The following SOX5 variants were observed in gnomAD, a reference collection of about 807,000 sequenced individuals.
SOX5 encodes SRY-box transcription factor 5, also known as transcription factor SOX-5.
Under a neutral mutation model 92.0 loss-of-function variants are expected in SOX5, and 9 were observed. The ratio of observed to expected loss-of-function variants is 0.10; its 90% confidence interval spans 0.06 to 0.17. SOX5 has a LOEUF of 0.17. Ranked by LOEUF, SOX5 falls within the 10% of genes least tolerant of loss-of-function variation. SOX5 has a pLI of 1.00. For missense variants in SOX5, 642 were observed against 944.5 expected (o/e 0.68, Z 4.20); for synonymous variants, 344 against 336.3 (o/e 1.02, Z -0.25).
chr12:23,934,416 G>T (rs1468162802), intron 1 of SOX5, among the ~76,000 whole-genome samples: 1 of 148,842 alleles, frequency 6.7e-6, no homozygotes, highest in Non-Finnish European at 1.5e-5. Flanking sequence ...TATCACATAT[G>T]ATGTGTATAT....
chr12:23,758,371 T>C (rs1256553833), intron 3 of SOX5, among the ~76,000 whole-genome samples: 11 of 150,274 alleles, frequency 7.3e-5, no homozygotes, highest in Non-Finnish European at 1.0e-4. Flanking sequence ...ATGGGCAGAA[T>C]TGAGGTCTTG....
chr12:24,492,898 T>C (rs1387146964), intron 1 of SOX5, among the ~76,000 whole-genome samples: 1 of 152,178 alleles, frequency 6.6e-6, no homozygotes, highest in Non-Finnish European at 1.5e-5. Context: ...TTCAAACATA[T>C]ATAAATGCCA....
At chr12:24,110,900 CAAAAAAAAA>C (rs67100585) in intron 4 of SOX5, among the ~76,000 whole-genome samples, 42 of 27,586 alleles carry the variant, frequency 1.5e-3, no homozygotes, top group Admixed American at 3.3e-3. Context: ...GACTCCACTT[CAAAAAAAAA>C]AAAAAAAAAA....
chr12:24,234,281 G>A lies in SOX5; in HGVS notation c.-76-20864C>T, dbSNP rs563744150. On this transcript the variant is annotated intron_variant, in intron 3 of 4. Transcript: ENST00000446891. ...AAGGATTCTGTGTGCCAGAATTTCT[G>A]AAATTACTGACATTTACCATATAAA... Among the ~76,000 whole-genome samples the A allele has an allele frequency of 4.3e-4, 66 of 152,226 alleles. 1 individual carries two copies. The South Asian group carries it at 8.5e-3, about 20-fold the overall frequency.
At chr12:23,912,983 T>G (rs891736941) in intron 1 of SOX5, among the ~76,000 whole-genome samples, 6 of 152,102 alleles carry the variant, frequency 3.9e-5, no homozygotes, top group Non-Finnish European at 8.8e-5. Flanking sequence ...TGGGTAAATT[T>G]TATAGTACTG....
intron 1 of SOX5, among the ~76,000 whole-genome samples, chr12:24,383,865 T>A (rs571208244): frequency 1.3e-5 from 2 of 152,210 alleles, no homozygotes; most frequent in South Asian, 4.2e-4. Context: ...CACCCAAATC[T>A]CATCTTGGAT....
At chr12:24,006,179 A>C (rs1952140313) in intron 4 of SOX5, among the ~76,000 whole-genome samples, 1 of 152,170 alleles carries the variant, frequency 6.6e-6, no homozygotes, top group South Asian at 2.1e-4. Flanking sequence ...TATGCACATA[A>C]AGAAGGTCCT....
chr12:24,467,037 T>C (rs1032275340), intron 1 of SOX5, among the ~76,000 whole-genome samples: 3 of 152,244 alleles, frequency 2.0e-5, no homozygotes, highest in African/African-American at 7.2e-5. Context: ...GTAATTTAAA[T>C]GCATTCCCTT....
At chr12:23,779,579 T>C (rs2095216601) in intron 3 of SOX5, among the ~76,000 whole-genome samples, 1 of 151,616 alleles carries the variant, frequency 6.6e-6, no homozygotes, top group South Asian at 2.1e-4. Flanking sequence ...ATATTCTGTT[T>C]AAAAACTGTT....
intron 4 of SOX5, among the ~76,000 whole-genome samples, chr12:24,042,094 A>G (rs1416700655): frequency 6.6e-6 from 1 of 152,064 alleles, no homozygotes; most frequent in Non-Finnish European, 1.5e-5. Flanking sequence ...TCAATACCTA[A>G]TTTAATCATT....
At chr12:24,151,619 G>A (rs1951663447) in intron 4 of SOX5, among the ~76,000 whole-genome samples, 1 of 151,984 alleles carries the variant, frequency 6.6e-6, no homozygotes, top group African/African-American at 2.4e-5. Flanking sequence ...TGATAGCAGT[G>A]TCCGCAGGGA....
At chr12:24,082,084 C>G (rs1021311633) in intron 4 of SOX5, among the ~76,000 whole-genome samples, 12 of 151,864 alleles carry the variant, frequency 7.9e-5, no homozygotes, top group African/African-American at 2.4e-4. Flanking sequence ...ATTTGAGAAG[C>G]TGACTTGCTA....
chr12:24,024,950 T>C (rs112747061), intron 4 of SOX5, among the ~76,000 whole-genome samples: 16 of 152,156 alleles, frequency 1.1e-4, no homozygotes, highest in African/African-American at 3.4e-4. Flanking sequence ...ATAACCTATA[T>C]GCATATAAAA....
intron 2 of SOX5, among the ~76,000 whole-genome samples, chr12:24,329,750 T>C (rs999996912): frequency 1.3e-5 from 2 of 152,180 alleles, no homozygotes; most frequent in Non-Finnish European, 2.9e-5. Flanking sequence ...AGGCTGGGCA[T>C]GGTGGCTCAC....
intron 3 of SOX5, among the ~76,000 whole-genome samples, chr12:23,756,649 A>G (rs913237675): frequency 3.3e-5 from 5 of 151,930 alleles, no homozygotes; most frequent in African/African-American, 1.2e-4. Context: ...GTACTAAAAG[A>G]TAAGTGTCCC....
At chr12:23,883,770 G>A (rs975115958) in intron 2 of SOX5, among the ~76,000 whole-genome samples, 1 of 152,188 alleles carries the variant, frequency 6.6e-6, no homozygotes, top group Non-Finnish European at 1.5e-5. Flanking sequence ...AGATATTGGT[G>A]TGGTGGTGTT....
At chr12:24,482,812 C>T (rs971063121) in intron 1 of SOX5, among the ~76,000 whole-genome samples, 4 of 152,034 alleles carry the variant, frequency 2.6e-5, no homozygotes, top group African/African-American at 7.2e-5. Flanking sequence ...ACACTTGAAA[C>T]GTAAATAAGA....
chr12:23,712,344 C>A (rs1429214619), intron 6 of SOX5, among the ~76,000 whole-genome samples: 1 of 152,104 alleles, frequency 6.6e-6, no homozygotes, highest in South Asian at 2.1e-4. Context: ...ATTAAAATTT[C>A]TTAGTGATGA....
intron 1 of SOX5, among the ~76,000 whole-genome samples, chr12:23,917,624 T>G (rs146653040): frequency 8.5e-4 from 129 of 152,196 alleles, no homozygotes; most frequent in African/African-American, 3.0e-3. Flanking sequence ...TTTGCTTGCT[T>G]CAACAGGTAG....
Sources: gnomAD v4.1 joint callset for allele counts (sites outside exome capture counted in the v4.1 genomes callset) on GRCh38, gnomAD v4.1.1 for gene constraint, MANE v1.5 for transcripts, NCBI Gene and HGNC (gene_info 2026-07-23, HGNC 2026-07-21) for gene names.